Variants in LUZP2 observed in about 807,000 individuals in gnomAD.
LUZP2 encodes the protein leucine zipper protein 2.
LUZP2 carries 52 observed loss-of-function variants against 51.6 expected under a neutral mutation model. The observed-to-expected ratio is 1.01, with a 90% confidence interval of 0.81 to 1.27. The LOEUF (loss-of-function observed/expected upper bound fraction) is 1.27, where lower values mean the gene tolerates loss of function less well. Among genes scored for constraint, LUZP2 ranks in the 50% most tolerant of loss-of-function variants. LUZP2 has a pLI of 0.00. For synonymous variants in LUZP2, 154 were observed against 137.3 expected (o/e 1.12, Z -0.85); for missense variants, 436 against 395.4 (o/e 1.10, Z -0.87).
intron 1 of LUZP2, among the ~76,000 whole-genome samples, chr11:24,664,112 A>C (rs1856127239): frequency 1.3e-5 from 2 of 152,178 alleles, no homozygotes; most frequent in Admixed American, 1.3e-4. Flanking sequence ...AGAGATTGGA[A>C]GAGCTTGGAG....
At chr11:24,955,024 T>G (rs1255541282) in intron 7 of LUZP2, among the ~76,000 whole-genome samples, 2 of 151,930 alleles carry the variant, frequency 1.3e-5, no homozygotes, top group Non-Finnish European at 2.9e-5. Flanking sequence ...TTCAATGAAC[T>G]ATAAAGAAGG....
chr11:25,048,052 C>T (rs1156773930), intron 9 of LUZP2, among the ~76,000 whole-genome samples: 1 of 152,106 alleles, frequency 6.6e-6, no homozygotes, highest in Admixed American at 6.6e-5. Flanking sequence ...CTCAAGAGAT[C>T]CTCCAGCCTC....
chr11:24,737,187 C>T (rs1460747857), intron 3 of LUZP2, among the ~76,000 whole-genome samples: 4 of 151,996 alleles, frequency 2.6e-5, no homozygotes, highest in African/African-American at 7.2e-5. Flanking sequence ...GTGTTAAGTG[C>T]TTTGCTTACG....
chr11:24,817,293 G>A lies in LUZP2; in HGVS notation c.396+53985G>A, dbSNP rs567408175. ...AGTGTAATAATAACTAAGATATTTC[G>A]GACCCGGTGCTAGAGAGATTTATGC... On this transcript the variant is annotated intron_variant, in intron 5 of 11. Transcript: ENST00000336930. Among the ~76,000 whole-genome samples the A allele has an allele frequency of 5.3e-5, 8 of 151,880 alleles. No individual in the cohort carries two copies. The South Asian group carries it at 6.2e-4, about 12-fold the overall frequency.
At chr11:24,708,666 C>A (rs1367270075) in intron 1 of LUZP2, among the ~76,000 whole-genome samples, 1 of 152,102 alleles carries the variant, frequency 6.6e-6, no homozygotes, top group African/African-American at 2.4e-5. Context: ...TTCTTCACCC[C>A]CACAAGAGAT....
intron 1 of LUZP2, among the ~76,000 whole-genome samples, chr11:24,643,784 T>G (rs11028089): frequency 0.19 from 29,209 of 152,092 alleles, 2,946 homozygotes; most frequent in Middle Eastern, 0.26. Flanking sequence ...AAATATGAAA[T>G]AGTTTGTACA....
chr11:24,689,125 G>A (rs368972476), intron 1 of LUZP2, among the ~76,000 whole-genome samples: 1 of 152,134 alleles, frequency 6.6e-6, no homozygotes, highest in East Asian at 1.9e-4. Flanking sequence ...AGGAAGTAAA[G>A]TACACTTGTA....
At chr11:24,674,232 C>A (rs565764699) in intron 1 of LUZP2, among the ~76,000 whole-genome samples, 3 of 152,126 alleles carry the variant, frequency 2.0e-5, no homozygotes, top group Admixed American at 6.6e-5. Context: ...AGTTCAAATG[C>A]CTGTCATGTG....
chr11:25,011,999 A>T (rs187929294), intron 9 of LUZP2, among the ~76,000 whole-genome samples: 7 of 152,272 alleles, frequency 4.6e-5, no homozygotes, highest in African/African-American at 1.7e-4. Context: ...TTGTGTATAG[A>T]CACAAAAGGC....
chr11:24,683,952 C>T (rs934751768), intron 1 of LUZP2, among the ~76,000 whole-genome samples: 4 of 152,014 alleles, frequency 2.6e-5, no homozygotes, highest in East Asian at 1.9e-4. Flanking sequence ...CTCTTGATCT[C>T]GGGGGACAGA....
At chr11:24,756,028 G>A (rs994989938) in intron 4 of LUZP2, among the ~76,000 whole-genome samples, 7 of 151,948 alleles carry the variant, frequency 4.6e-5, no homozygotes, top group African/African-American at 1.5e-4. Flanking sequence ...CTTCTGTGGC[G>A]GCTTCATCTA....
intron 1 of LUZP2, among the ~76,000 whole-genome samples, chr11:24,678,597 T>A (rs1189753426): frequency 6.6e-6 from 1 of 152,198 alleles, no homozygotes; most frequent in East Asian, 1.9e-4. Flanking sequence ...TCTAAGCTAC[T>A]CAATAGCAGC....
chr11:24,770,550 G>T (rs1020789685), intron 5 of LUZP2, among the ~76,000 whole-genome samples: 1 of 152,120 alleles, frequency 6.6e-6, no homozygotes, highest in Non-Finnish European at 1.5e-5. Flanking sequence ...GTTATCAACT[G>T]ATTTAATGTC....
chr11:24,719,047 A>G (rs2069668872), intron 1 of LUZP2, among the ~76,000 whole-genome samples: 1 of 152,210 alleles, frequency 6.6e-6, no homozygotes, highest in East Asian at 1.9e-4. Flanking sequence ...AGGAAAATGA[A>G]GGAGACAGAT....
intron 5 of LUZP2, chr11:24,891,832 C>T: frequency 2.0e-6 from 2 of 980,204 alleles, no homozygotes; most frequent in Non-Finnish European, 2.4e-6. Context: ...CGCTGCAACA[C>T]TCTGCACTGA....
At chr11:24,908,099 A>G (rs757206142) in intron 6 of LUZP2, among the ~76,000 whole-genome samples, 6 of 152,186 alleles carry the variant, frequency 3.9e-5, no homozygotes, top group Non-Finnish European at 8.8e-5. Flanking sequence ...ACCAAAAACA[A>G]AATACTAATA....
chr11:24,905,705 T>A (rs1046692500), intron 5 of LUZP2, among the ~76,000 whole-genome samples: 1 of 152,106 alleles, frequency 6.6e-6, no homozygotes, highest in South Asian at 2.1e-4. Flanking sequence ...ATTAACTTTT[T>A]TTTTCAAAAA....
At position 24,602,160 on chromosome 11, in the gene LUZP2, A is replaced by ATATATGTATATTTG. The variant is rs1565020534; in HGVS notation, c.62+104862_62+104863insATATTTGTATATGT. On this transcript the variant is annotated intron_variant, in intron 1 of 11. Transcript: ENST00000336930. Reference sequence around the variant, plus strand: ...TATATATGTATATATGTATATATGTATATATGTGTATATATATGTGTATAT... The same window carrying ATATATGTATATTTG: ...TATATATGTATATATGTATATATGTATATATGTATATTTGTATATGTGTATATATATGTGTATAT... 1.4e-4 allele frequency among the ~76,000 whole-genome samples: 12 copies of ATATATGTATATTTG among 88,506 alleles called. No homozygotes were observed. The East Asian group carries it at 2.2e-3, about 16-fold the overall frequency. 58.1% of individuals were successfully genotyped at this position (88,506 alleles called of 152,430 possible). A position where few individuals can be genotyped will look rare whatever the true frequency, so the allele number is the denominator to read the frequency against.
chr11:24,905,296 C>G (rs1853411690), intron 5 of LUZP2, among the ~76,000 whole-genome samples: 1 of 152,114 alleles, frequency 6.6e-6, no homozygotes, highest in Non-Finnish European at 1.5e-5. Context: ...GAGGCCGAGG[C>G]AGGCCGATCA....
Sources: allele counts gnomAD v4.1 joint callset (sites outside exome capture counted in the v4.1 genomes callset), GRCh38; gene constraint gnomAD v4.1.1; transcripts MANE v1.5; gene names NCBI Gene and HGNC (gene_info 2026-07-23, HGNC 2026-07-21).